Variants in PCDHGA7 observed in about 807,000 individuals in gnomAD.
PCDHGA7 encodes protocadherin gamma-A7.
PCDHGA7 carries 44 observed loss-of-function variants against 58.3 expected under a neutral mutation model. The observed-to-expected ratio is 0.75, with a 90% confidence interval of 0.59 to 0.97. PCDHGA7 has a LOEUF of 0.97. PCDHGA7 is among the 50% of genes least tolerant of loss of function. The pLI is 0.00. For missense variants in PCDHGA7, 1,266 were observed against 1,188.7 expected (o/e 1.06, Z -0.96); for synonymous variants, 516 against 504.2 (o/e 1.02, Z -0.31).
In PCDHGA7 at chr5:141,512,237, G is replaced by A. The variant is rs2099884134; in HGVS notation, c.*1064G>A. ...AGGACCAGGTCCCCTTGAGAGGTCA[G>A]AGGGGCCTCTGTGGGTGCTGGGTAC... On this transcript the variant is annotated 3_prime_UTR_variant, in exon 4 of 4. Transcript: ENST00000518325. 1 of 152,774 alleles carries A rather than the reference G, an allele frequency of 6.5e-6. No homozygotes were observed. The highest frequency in any genetic ancestry group is 1.5e-5 in the Non-Finnish European group (1 of 68,148). The allele number at this position is 152,774 out of a possible 1,614,324, so 9.5% of individuals were successfully genotyped here.
intron 1 of PCDHGA7, chr5:141,478,473 A>G (rs2099458384): frequency 6.2e-7 from 1 of 1,613,742 alleles, no homozygotes; most frequent in African/African-American, 1.3e-5. Context: ...GCCAGCCGCC[A>G]GAACACGCTG....
At chr5:141,441,746 C>CGTCAA in intron 1 of PCDHGA7, 1 of 371,314 alleles carries the variant, frequency 2.7e-6, no homozygotes, top group Non-Finnish European at 5.4e-6. Context: ...TCGCGCTCGG[C>CGTCAA]GTCAACGTGA....
chr5:141,409,828 C>CG (rs2095322406), intron 1 of PCDHGA7: 1 of 1,611,010 alleles, frequency 6.2e-7, no homozygotes, highest in African/African-American at 1.3e-5. Flanking sequence ...CGCCCACGCT[C>CG]AGCGCCAACG....
At position 141,383,558 on chromosome 5, in the gene PCDHGA7, C is replaced by T. The variant is rs374657057; in HGVS notation, c.659C>T (p.Pro220Leu). ...LVLTASDGGD[P>L]PRSSTAHIQV... Reference sequence around the variant, plus strand: ...CTCACAGCCTCTGATGGCGGCGACCCGCCCCGATCCAGCACCGCCCACATC... The same window carrying T: ...CTCACAGCCTCTGATGGCGGCGACCTGCCCCGATCCAGCACCGCCCACATC... Residue 220 changes from proline to leucine, a missense_variant, in exon 1 of 4, where the codon CCG becomes CTG. Pro to Leu is a moderately conservative substitution (Grantham distance 98, BLOSUM62 -3). Coordinates refer to ENST00000518325, the MANE Select transcript of PCDHGA7 (RefSeq NM_018920.4). 17 of 1,612,704 alleles carry T rather than the reference C, an allele frequency of 1.1e-5. No homozygotes were observed. The African/African-American group carries it at 2.0e-4, about 19-fold the overall frequency.
At chr5:141,437,345 A>T (rs1018513998) in intron 1 of PCDHGA7, among the ~76,000 whole-genome samples, 2 of 152,252 alleles carry the variant, frequency 1.3e-5, no homozygotes, top group Non-Finnish European at 2.9e-5. Context: ...TCACTGTTTT[A>T]TAGTACCTAA....
intron 1 of PCDHGA7, chr5:141,441,751 A>G (rs946329290): frequency 5.3e-6 from 2 of 378,094 alleles, no homozygotes; most frequent in African/African-American, 2.2e-5. Flanking sequence ...CTCGGCGTCA[A>G]CGTGAGCCTG....
chr5:141,428,856 G>A (rs1195849417), intron 1 of PCDHGA7: 4 of 143,808 alleles, frequency 2.8e-5, no homozygotes, highest in Admixed American at 1.4e-4. Flanking sequence ...ATTTTTACGG[G>A]AGACTTTTTT....
At chr5:141,453,046 T>C (rs1561950003) in intron 1 of PCDHGA7, among the ~76,000 whole-genome samples, 1 of 152,186 alleles carries the variant, frequency 6.6e-6, no homozygotes, top group Non-Finnish European at 1.5e-5. Context: ...GTTTCTATTA[T>C]GTGCAGTTTT....
chr5:141,383,378 CAG>C lies in PCDHGA7; in HGVS notation c.481_482del (p.Asp161CysfsTer27), dbSNP rs1561596110. 1 of 1,614,002 alleles carries C rather than the reference CAG, an allele frequency of 6.2e-7. No homozygotes were observed. Among genetic ancestry groups the C allele is most frequent in the Non-Finnish European group, 8.5e-7 (1 of 1,179,898 alleles). ...TTTCCGTTAAGCGAGGCTGGGGATC[CAG>C]ATGTGGGCACGAACTCCCTCCAGAG... On this transcript the variant is annotated frameshift_variant, in exon 1 of 4. Coordinates refer to ENST00000518325, the MANE Select transcript of PCDHGA7 (RefSeq NM_018920.4). LOFTEE classifies it high-confidence loss of function.
At chr5:141,434,952 C>T (rs1362599956) in intron 1 of PCDHGA7, among the ~76,000 whole-genome samples, 2 of 151,756 alleles carry the variant, frequency 1.3e-5, no homozygotes, top group East Asian at 3.9e-4. Flanking sequence ...AATTTATTAA[C>T]AATTTATAAA....
chr5:141,417,236 A>T (rs1387216221), intron 1 of PCDHGA7: 2 of 152,220 alleles, frequency 1.3e-5, no homozygotes, highest in Admixed American at 1.3e-4. Flanking sequence ...TTTGTTGCTT[A>T]TCTTCAGTAC....
Position 141,489,276 on chromosome 5 carries a change from AT to A in PCDHGA7, c.2425-5530del, listed in dbSNP as rs2099684949. 1.9e-6 allele frequency: 3 copies of A among 1,556,004 alleles called. No homozygotes were observed. Among genetic ancestry groups the A allele is most frequent in the Non-Finnish European group, 2.6e-6 (3 of 1,151,570 alleles). ...AGACACTCCCACAGCTCGCTGGGAA[AT>A]GGCAAGTGCTGTGCATGTTGTCCTT... On this transcript the variant is annotated intron_variant, in intron 1 of 3. Coordinates refer to ENST00000518325, the MANE Select transcript of PCDHGA7 (RefSeq NM_018920.4). This position sits in a 1 kb window ranked among gnomAD's most constrained non-coding sequence, Gnocchi z 4.5.
chr5:141,414,778 C>T (rs1346896593), intron 1 of PCDHGA7: 12 of 1,614,202 alleles, frequency 7.4e-6, no homozygotes, highest in Non-Finnish European at 1.0e-5. Context: ...GCTACAGATG[C>T]AGGTGACAGC....
intron 1 of PCDHGA7, among the ~76,000 whole-genome samples, chr5:141,481,749 C>T (rs958851030): frequency 6.6e-6 from 1 of 151,976 alleles, no homozygotes; most frequent in Non-Finnish European, 1.5e-5. Context: ...GTCAGGAGTC[C>T]AAGACCAGCC....
At chr5:141,479,866 A>G (rs1020197891) in intron 1 of PCDHGA7, among the ~76,000 whole-genome samples, 2 of 152,204 alleles carry the variant, frequency 1.3e-5, no homozygotes, top group African/African-American at 2.4e-5. Context: ...TTTGCCCTGG[A>G]GAGAACCCTA....
chr5:141,446,353 T>C (rs1278613929), intron 1 of PCDHGA7, among the ~76,000 whole-genome samples: 2 of 152,176 alleles, frequency 1.3e-5, no homozygotes, highest in Non-Finnish European at 2.9e-5. Flanking sequence ...AAGCTACCAT[T>C]TGATGAGAAT....
At chr5:141,425,719 A>G (rs2096890303) in intron 1 of PCDHGA7, among the ~76,000 whole-genome samples, 1 of 152,200 alleles carries the variant, frequency 6.6e-6, no homozygotes. Context: ...TTCCCATACC[A>G]CTTGATGGGG....
chr5:141,510,272 TA>T (rs546154379), intron 3 of PCDHGA7, among the ~76,000 whole-genome samples: 4,704 of 130,308 alleles, frequency 0.036, 80 homozygotes, highest in South Asian at 0.057. Flanking sequence ...GACTCCATCT[TA>T]AAAAAAAAAA....
chr5:141,392,802 A>G (rs2092597829), intron 1 of PCDHGA7: 7 of 1,572,582 alleles, frequency 4.5e-6, no homozygotes, highest in Non-Finnish European at 6.0e-6. Context: ...AGGATTCTGC[A>G]GCAAAACAAC....
Sources: allele counts gnomAD v4.1 joint callset (sites outside exome capture counted in the v4.1 genomes callset), GRCh38; gene constraint gnomAD v4.1.1; non-coding constraint Gnocchi (gnomAD v3.1); transcripts MANE v1.5; gene names NCBI Gene and HGNC (gene_info 2026-07-23, HGNC 2026-07-21).